SLC16A10: variants seen among roughly 807,000 people sequenced by gnomAD.
SLC16A10 encodes solute carrier family 16 member 10, also known as monocarboxylate transporter 10.
A neutral mutation model predicts 40.0 loss-of-function variants in SLC16A10; 27 were observed. That is an observed-to-expected ratio of 0.67 (90% CI 0.50 to 0.93). SLC16A10 has a LOEUF of 0.93. Among genes scored for constraint, SLC16A10 ranks in the 40% least tolerant of loss-of-function variants. SLC16A10 has a pLI of 0.00. For missense variants in SLC16A10, 529 were observed against 658.2 expected, an observed-to-expected ratio of 0.80 and a Z score of 2.15; for synonymous variants, 213 against 249.8, an observed-to-expected ratio of 0.85 and a Z score of 1.39.
At position 111,222,091 on chromosome 6, in the gene SLC16A10, T is replaced by C; in HGVS notation, c.1404T>C (p.Phe468=). The change falls in exon 6 of 6, where the codon TTT becomes TTC. Residue 468 remains phenylalanine (F), a synonymous_variant. Coordinates refer to ENST00000368851, the MANE Select transcript of SLC16A10 (RefSeq NM_018593.5). Reference sequence around the variant, plus strand: ...TTATTGGAGGTGCTGTGCTTTGTTTTATCCCGTGGATCCATAGTAAGAAGC... The same window carrying C: ...TTATTGGAGGTGCTGTGCTTTGTTTCATCCCGTGGATCCATAGTAAGAAGC... ...PPLIGGAVLC[F]IPWIHSKKQR... The C allele has an allele frequency of 1.9e-6, 3 of 1,610,286 alleles. No individual in the cohort carries two copies. The highest frequency in any genetic ancestry group is 1.7e-6 in the Non-Finnish European group (2 of 1,179,078).
intron 1 of SLC16A10, among the ~76,000 whole-genome samples, chr6:111,091,644 G>A (rs1411027586): frequency 6.6e-6 from 1 of 152,202 alleles, no homozygotes; most frequent in African/African-American, 2.4e-5. Context: ...TTGATCCACA[G>A]CAGGACAATG....
At chr6:111,145,716 G>A (rs1443240057) in intron 1 of SLC16A10, among the ~76,000 whole-genome samples, 1 of 152,160 alleles carries the variant, frequency 6.6e-6, no homozygotes, top group Non-Finnish European at 1.5e-5. Flanking sequence ...GGGCATGGCA[G>A]TGTGTACCTG....
chr6:111,088,783 C>T (rs933326875), intron 1 of SLC16A10, among the ~76,000 whole-genome samples: 1 of 151,736 alleles, frequency 6.6e-6, no homozygotes, highest in South Asian at 2.1e-4. Context: ...TTTTTTTAAC[C>T]ATATAGTAAA....
chr6:111,163,366 A>T (rs1442868759), intron 1 of SLC16A10, among the ~76,000 whole-genome samples: 1 of 151,246 alleles, frequency 6.6e-6, no homozygotes, highest in African/African-American at 2.4e-5. Context: ...TTTAGCCGGG[A>T]TGGTCTCGAT....
At chr6:111,213,309 G>A (rs144494940) in intron 4 of SLC16A10, among the ~76,000 whole-genome samples, 140 of 151,978 alleles carry the variant, frequency 9.2e-4, no homozygotes, top group Non-Finnish European at 1.5e-3. Context: ...TGGGTTGAGA[G>A]TGAGAAGAGG....
intron 3 of SLC16A10, among the ~76,000 whole-genome samples, chr6:111,202,542 C>T (rs1052152488): frequency 6.6e-6 from 1 of 151,812 alleles, no homozygotes; most frequent in Non-Finnish European, 1.5e-5. Context: ...TTTTTTTAAT[C>T]CCCTGGAAGT....
intron 1 of SLC16A10, among the ~76,000 whole-genome samples, chr6:111,106,258 G>T (rs1472569523): frequency 6.6e-6 from 1 of 152,142 alleles, no homozygotes; most frequent in East Asian, 1.9e-4. Flanking sequence ...TAAAGGTTGG[G>T]AATCAAAAGA....
intron 3 of SLC16A10, chr6:111,178,317 A>C (rs1407117846): frequency 3.9e-6 from 2 of 509,800 alleles, no homozygotes; most frequent in African/African-American, 3.9e-5. Context: ...CTCAAGATCT[A>C]AATGAGGAAA....
chr6:111,103,238 A>G (rs1015891557), intron 1 of SLC16A10, among the ~76,000 whole-genome samples: 1 of 151,680 alleles, frequency 6.6e-6, no homozygotes, highest in Non-Finnish European at 1.5e-5. Context: ...TGTTTTTTAG[A>G]TGGAGTTTCA....
Position 111,228,800 on chromosome 6 carries a change from C to A in SLC16A10, c.*6565C>A, listed in dbSNP as rs1771054828. On this transcript the variant is annotated 3_prime_UTR_variant, in exon 6 of 6. Coordinates refer to ENST00000368851, the MANE Select transcript of SLC16A10 (RefSeq NM_018593.5). The stretch of plus-strand genomic sequence containing the variant: ...ATCCCAGCACTTTGGGAGGCCGAGA[C>A]AGGCGAATCACCTGAGGTCAGATGT... The A allele has an allele frequency of 6.6e-6, 1 of 152,092 alleles. No homozygotes were observed. The highest frequency in any genetic ancestry group is 6.6e-5 in the Admixed American group (1 of 15,252). 9.4% of individuals were successfully genotyped at this position (152,092 alleles called of 1,614,324 possible). A position where few individuals can be genotyped will look rare whatever the true frequency, so the allele number is the denominator to read the frequency against.
At chr6:111,215,049 G>A (rs563429402) in intron 4 of SLC16A10, among the ~76,000 whole-genome samples, 2 of 152,076 alleles carry the variant, frequency 1.3e-5, no homozygotes, top group African/African-American at 4.8e-5. Context: ...AACCTGGGAG[G>A]CAGATCTTGC....
chr6:111,199,932 A>G (rs1773142302), intron 3 of SLC16A10, among the ~76,000 whole-genome samples: 2 of 151,910 alleles, frequency 1.3e-5, no homozygotes, highest in South Asian at 4.1e-4. Context: ...TTCCTTCTGA[A>G]CTCTTCTTTT....
chr6:111,206,864 T>C (rs1434753961), intron 4 of SLC16A10, 129 bp downstream of exon 4: 19 of 1,199,740 alleles, frequency 1.6e-5, no homozygotes, highest in Non-Finnish European at 1.9e-5. Context: ...GTTTCGCTCT[T>C]ATTGCCCAGG....
intron 3 of SLC16A10, among the ~76,000 whole-genome samples, chr6:111,192,805 C>G (rs1356047219): frequency 6.6e-6 from 1 of 152,094 alleles, no homozygotes; most frequent in African/African-American, 2.4e-5. Context: ...ACCATCAGAT[C>G]TCATGAGACT....
chr6:111,177,122 A>C (rs1009414886), intron 2 of SLC16A10, 90 bp from the exon 3 acceptor site: 12 of 963,316 alleles, frequency 1.2e-5, no homozygotes, highest in Non-Finnish European at 1.7e-5. Context: ...GTTGATGAAC[A>C]AAAACCCACT....
intron 3 of SLC16A10, among the ~76,000 whole-genome samples, chr6:111,179,125 C>T (rs951436710): frequency 2.7e-3 from 130 of 48,978 alleles, no homozygotes; most frequent in Non-Finnish European, 5.4e-3. Flanking sequence ...CCACACCCAG[C>T]TTTAAAAAAA....
At chr6:111,088,624 A>G (rs1306462664) in intron 1 of SLC16A10, among the ~76,000 whole-genome samples, 1 of 152,142 alleles carries the variant, frequency 6.6e-6, no homozygotes, top group Non-Finnish European at 1.5e-5. Flanking sequence ...GGGCCCTGCA[A>G]GAGTCACGGT....
chr6:111,207,159 T>TC (rs556296505), intron 4 of SLC16A10, among the ~76,000 whole-genome samples: 18 of 152,374 alleles, frequency 1.2e-4, no homozygotes, highest in African/African-American at 3.8e-4. Context: ...AGGCAGTTTT[T>TC]CAAGGACAAA....
chr6:111,201,607 A>G (rs935239517), intron 3 of SLC16A10, among the ~76,000 whole-genome samples: 10 of 152,196 alleles, frequency 6.6e-5, no homozygotes, highest in Non-Finnish European at 1.3e-4. Context: ...AATTCCATAC[A>G]CCTTACATAA....
Sources: gnomAD v4.1 joint callset for allele counts (sites outside exome capture counted in the v4.1 genomes callset) on GRCh38, gnomAD v4.1.1 for gene constraint, MANE v1.5 for transcripts, NCBI Gene and HGNC (gene_info 2026-07-23, HGNC 2026-07-21) for gene names.